The following RBFOX1 variants were observed in gnomAD, a reference collection of about 807,000 sequenced individuals.
The protein encoded by RBFOX1 is RNA binding fox-1 homolog 1.
In RBFOX1, 8 loss-of-function variants were observed where a neutral mutation model predicts 57.7. The observed-to-expected ratio is 0.14, with a 90% CI of 0.08 to 0.25. The LOEUF is 0.25. Among genes scored for constraint, RBFOX1 ranks in the 10% least tolerant of loss-of-function variants. The pLI, the probability that RBFOX1 is intolerant of heterozygous loss-of-function variation, is 1.00. For synonymous variants in RBFOX1, 326 were observed against 222.4 expected (o/e 1.47, Z -4.15); for missense variants, 611 against 548.5 (o/e 1.11, Z -1.14).
rs182808435 is a variant in RBFOX1 at position 5,944,736 on chromosome 16, C to T, written c.351+77401C>T. Among the ~76,000 whole-genome samples the T allele has an allele frequency of 5.3e-3, 740 of 140,822 alleles. 6 individuals carry two copies. The highest frequency in any genetic ancestry group is 9.3e-3 in the Non-Finnish European group (622 of 66,688). 92.4% of individuals were successfully genotyped at this position (140,822 alleles called of 152,430 possible). A position where few individuals can be genotyped will look rare whatever the true frequency, so the allele number is the denominator to read the frequency against. On this transcript the variant is annotated intron_variant, in intron 4 of 19. Transcript: ENST00000641259. ...TTGAGAGGCCAAGGTGGGCAGATCA[C>T]GAGGTCAAGAGATAGAGACCATCCT...
At chr16:5,553,385 A>T (rs1489445224) in intron 2 of RBFOX1, among the ~76,000 whole-genome samples, 1 of 150,984 alleles carries the variant, frequency 6.6e-6, no homozygotes, top group African/African-American at 2.4e-5. Context: ...GCACAATCTC[A>T]GCTCACTGCA....
In RBFOX1 at chr16:7,211,413, T is replaced by C. The variant is rs112602782; in HGVS notation, c.27+159315T>C. On this transcript the variant is annotated intron_variant, in intron 4 of 15. Transcript: ENST00000550418. ...TCTCAAAAAAAAAAAAAAAAAAAAA[T>C]TGGACTCTGGTTTCTAAATTTAAAC... 1.8e-3 allele frequency among the ~76,000 whole-genome samples: 180 copies of C among 99,026 alleles called. 2 individuals carry two copies. Among genetic ancestry groups the C allele is most frequent in the Admixed American group, 0.013 (143 of 10,862 alleles). 65.0% of individuals were successfully genotyped at this position (99,026 alleles called of 152,430 possible). A position where few individuals can be genotyped will look rare whatever the true frequency, so the allele number is the denominator to read the frequency against.
At chr16:7,605,775 A>G (rs980948879) in intron 9 of RBFOX1, among the ~76,000 whole-genome samples, 22 of 152,134 alleles carry the variant, frequency 1.4e-4, no homozygotes, top group African/African-American at 5.1e-4. Context: ...GACCTTTGGT[A>G]TTTGGCCTTC....
At chr16:7,164,829 A>C (rs1336587135) in intron 4 of RBFOX1, among the ~76,000 whole-genome samples, 1 of 152,132 alleles carries the variant, frequency 6.6e-6, no homozygotes, top group Non-Finnish European at 1.5e-5. Flanking sequence ...TTGCTGTTGT[A>C]CTTCTTTGTA....
chr16:5,787,605 C>T (rs758080460), intron 3 of RBFOX1, among the ~76,000 whole-genome samples: 4 of 152,104 alleles, frequency 2.6e-5, no homozygotes, highest in African/African-American at 7.2e-5. Flanking sequence ...TATGTGAATG[C>T]TGAAGAGGAG....
chr16:6,868,132 C>T (rs2060251833), intron 3 of RBFOX1, among the ~76,000 whole-genome samples: 1 of 152,128 alleles, frequency 6.6e-6, no homozygotes, highest in African/African-American at 2.4e-5. Context: ...AGTAAATACT[C>T]ATTTGAAATT....
chr16:6,807,996 C>T (rs746791539), intron 3 of RBFOX1, among the ~76,000 whole-genome samples: 4 of 148,298 alleles, frequency 2.7e-5, no homozygotes, highest in Non-Finnish European at 4.5e-5. Context: ...TATATATATG[C>T]ATAGAACTAT....
intron 4 of RBFOX1, among the ~76,000 whole-genome samples, chr16:7,079,688 T>C (rs1297367905): frequency 1.3e-5 from 2 of 152,154 alleles, no homozygotes; most frequent in Non-Finnish European, 2.9e-5. Flanking sequence ...TTTTCCTGCA[T>C]GGCAAATGGA....
At chr16:7,295,626 G>A (rs774945206) in intron 4 of RBFOX1, among the ~76,000 whole-genome samples, 2 of 152,054 alleles carry the variant, frequency 1.3e-5, no homozygotes, top group Non-Finnish European at 2.9e-5. Flanking sequence ...TAGATCTTCA[G>A]ACCAAGCAGC....
At chr16:6,533,668 G>A (rs1021000252) in intron 2 of RBFOX1, among the ~76,000 whole-genome samples, 2 of 152,204 alleles carry the variant, frequency 1.3e-5, no homozygotes, top group Admixed American at 6.5e-5. Flanking sequence ...GGACCTACTG[G>A]ATGCTGGAAT....
rs201684231 is a variant in RBFOX1, at chr16:6,999,204, T to A, written c.-15-52853T>A. ...ATTTTATTTTATTTTATTTTATTTTTTATTTTTATTTATTTTTTTTATTTA... is the reference window on the plus strand; with the variant it reads ...ATTTTATTTTATTTTATTTTATTTTATATTTTTATTTATTTTTTTTATTTA... On this transcript the variant is annotated intron_variant, in intron 3 of 15. Transcript: ENST00000550418. 4.9e-4 allele frequency among the ~76,000 whole-genome samples: 35 copies of A among 71,968 alleles called. 1 individual carries two copies. In the East Asian group the frequency reaches 0.018, roughly 37 times the overall value. 47.2% of individuals were successfully genotyped at this position (71,968 alleles called of 152,430 possible).
At chr16:6,455,443 A>G (rs2094746179) in intron 2 of RBFOX1, among the ~76,000 whole-genome samples, 1 of 152,164 alleles carries the variant, frequency 6.6e-6, no homozygotes, top group South Asian at 2.1e-4. Context: ...GACCTTCAGC[A>G]AGTCCCTTAG....
Position 6,933,350 on chromosome 16 carries a change from C to T in RBFOX1, c.-15-118707C>T, listed in dbSNP as rs114188154. 9.7e-3 allele frequency among the ~76,000 whole-genome samples: 1,476 copies of T among 152,310 alleles called. 31 individuals are homozygous for T. Among genetic ancestry groups the T allele is most frequent in the African/African-American group, 0.033 (1,364 of 41,568 alleles). ...GTAGCACTGCATCATTTTGCATTTC[C>T]GTCAGCAGTGCACAAGGGTTCCAAT... is the stretch of plus-strand genomic sequence containing the variant. On this transcript the variant is annotated intron_variant, in intron 3 of 15. Coordinates refer to ENST00000550418, the MANE Select transcript of RBFOX1 (RefSeq NM_018723.4).
At chr16:6,926,040 G>T (rs1203372617) in intron 3 of RBFOX1, among the ~76,000 whole-genome samples, 1 of 152,060 alleles carries the variant, frequency 6.6e-6, no homozygotes, top group Non-Finnish European at 1.5e-5. Flanking sequence ...TGGGCTTGGT[G>T]GCTCGTGTTA....
intron 4 of RBFOX1, among the ~76,000 whole-genome samples, chr16:7,253,925 G>A (rs1168324118): frequency 6.6e-6 from 1 of 152,168 alleles, no homozygotes; most frequent in African/African-American, 2.4e-5. Context: ...TTATATAGGA[G>A]CTCTCTTGTA....
intron 3 of RBFOX1, among the ~76,000 whole-genome samples, chr16:5,636,403 G>A (rs1567328567): frequency 6.6e-6 from 1 of 152,104 alleles, no homozygotes; most frequent in Non-Finnish European, 1.5e-5. Context: ...AGTAAGTTGT[G>A]GACACTTTAC....
chr16:6,074,160 T>G (rs1448069022), intron 1 of RBFOX1, among the ~76,000 whole-genome samples: 3 of 152,032 alleles, frequency 2.0e-5, no homozygotes, highest in East Asian at 1.9e-4. Flanking sequence ...ATGTTAGCCA[T>G]CATGGTCTTG....
At chr16:6,894,965 C>A (rs1053857863) in intron 3 of RBFOX1, among the ~76,000 whole-genome samples, 2 of 152,148 alleles carry the variant, frequency 1.3e-5, no homozygotes, top group African/African-American at 4.8e-5. Flanking sequence ...GCAACATACA[C>A]CCTTCCAGAA....
At chr16:5,580,867 A>G (rs1214510466) in intron 2 of RBFOX1, among the ~76,000 whole-genome samples, 1 of 152,208 alleles carries the variant, frequency 6.6e-6, no homozygotes, top group African/African-American at 2.4e-5. Context: ...CTCAAAAGAC[A>G]GAGCTGGGAA....
Sources: allele counts gnomAD v4.1 joint callset (sites outside exome capture counted in the v4.1 genomes callset), GRCh38; gene constraint gnomAD v4.1.1; transcripts MANE v1.5; gene names NCBI Gene and HGNC (gene_info 2026-07-23, HGNC 2026-07-21).